Variants in RBFOX3 observed in about 807,000 individuals in gnomAD.
RBFOX3 encodes RNA binding fox-1 homolog 3, also known as RNA binding protein fox-1 homolog 3.
In RBFOX3, 17 loss-of-function variants were observed where a neutral mutation model predicts 48.7. The ratio of observed to expected loss-of-function variants is 0.35; its 90% CI spans 0.24 to 0.52. The LOEUF (loss-of-function observed/expected upper bound fraction) is 0.52. Among genes scored for constraint, RBFOX3 ranks in the 20% least tolerant of loss-of-function variants. The probability of loss-of-function intolerance (pLI) is 0.94; values close to 1 mark genes in which losing one functional copy is unlikely to be tolerated. For missense variants in RBFOX3, 382 were observed against 497.5 expected, an observed-to-expected ratio of 0.77 and a Z score of 2.21; for synonymous variants, 212 against 209.5, an observed-to-expected ratio of 1.01 and a Z score of -0.10.
At chr17:79,637,052 G>A in the RBFOX3 span, among the ~76,000 whole-genome samples, 11 of 152,134 alleles carry the variant, frequency 7.2e-5, no homozygotes, top group African/African-American at 2.7e-4. Flanking sequence ...ACTGTTATAA[G>A]AGAAAAAGGT....
At position 79,311,794 on chromosome 17, in the gene RBFOX3, T is replaced by C. The variant is rs143728516; in HGVS notation, c.-174-3970A>G. ...GGAGTGGGAAGCAGTGCCCCCATGA[T>C]GGCAGAAACGGGGAACAGGAAGGAG... On this transcript the variant is annotated intron_variant, in intron 2 of 14. Transcript: ENST00000693108. The surrounding 1 kb of genome is among the most constrained non-coding windows in gnomAD (Gnocchi z 4.2). Among the ~76,000 whole-genome samples, 2,187 of 152,202 alleles carry C rather than the reference T, an allele frequency of 0.014. 18 individuals are homozygous for C. The highest frequency in any genetic ancestry group is 0.022 in the Non-Finnish European group (1,477 of 68,008).
the RBFOX3 span, among the ~76,000 whole-genome samples, chr17:79,658,111 T>C: frequency 6.6e-6 from 1 of 152,184 alleles, no homozygotes; most frequent in Non-Finnish European, 1.5e-5. Flanking sequence ...CGTGGTTTTT[T>C]TAAGTCCAGG....
chr17:79,662,479 C>T, the RBFOX3 span, among the ~76,000 whole-genome samples: 3 of 152,084 alleles, frequency 2.0e-5, no homozygotes, highest in Non-Finnish European at 4.4e-5. Flanking sequence ...GGTTGCTGGA[C>T]CCATAGGTTG....
In RBFOX3 at chr17:79,233,506, A is replaced by G. The variant is rs1263761769; in HGVS notation, c.-34+2260T>C. Reference sequence around the variant, plus strand: ...GCATACTCTCTGTGATGTTTATCATACCCCCAATGTACTTCAATAAAACTA... The same window carrying G: ...GCATACTCTCTGTGATGTTTATCATGCCCCCAATGTACTTCAATAAAACTA... On this transcript the variant is annotated intron_variant, in intron 4 of 14. Coordinates refer to ENST00000693108, the MANE Select transcript of RBFOX3 (RefSeq NM_001350451.2). The G allele has an allele frequency of 2.6e-5, 4 of 152,138 alleles. No homozygotes were observed. In the East Asian group the frequency reaches 5.8e-4, roughly 22 times the overall value. The allele number at this position is 152,138 out of a possible 1,614,324, so 9.4% of individuals were successfully genotyped here. A position where few individuals can be genotyped will look rare whatever the true frequency, so the allele number is the denominator to read the frequency against.
chr17:79,159,845 G>A (rs887285512), intron 4 of RBFOX3, among the ~76,000 whole-genome samples: 2 of 152,176 alleles, frequency 1.3e-5, no homozygotes, highest in African/African-American at 4.8e-5. Context: ...AGGACAGGTC[G>A]CTACTCCCAC....
At chr17:79,662,464 C>A in the RBFOX3 span, among the ~76,000 whole-genome samples, 2 of 152,030 alleles carry the variant, frequency 1.3e-5, no homozygotes, top group Non-Finnish European at 2.9e-5. Context: ...GGATCCAGCA[C>A]CACAGGTTGC....
intron 4 of RBFOX3, among the ~76,000 whole-genome samples, chr17:79,151,039 G>A (rs887518801): frequency 5.3e-5 from 8 of 152,194 alleles, no homozygotes; most frequent in Admixed American, 2.6e-4. Flanking sequence ...TCCACGCTCC[G>A]CAAGTGCTCA....
At chr17:79,211,154 T>A (rs999882231) in intron 4 of RBFOX3, among the ~76,000 whole-genome samples, 9 of 152,220 alleles carry the variant, frequency 5.9e-5, no homozygotes, top group African/African-American at 2.2e-4. Context: ...GTCTCAGTCC[T>A]GGGCCACGGA....
At chr17:79,431,335 C>A (rs557352225) in intron 2 of RBFOX3, among the ~76,000 whole-genome samples, 2 of 152,088 alleles carry the variant, frequency 1.3e-5, no homozygotes, top group Non-Finnish European at 2.9e-5. Flanking sequence ...TTTTTTGAGA[C>A]GGAGTTTCAC....
intron 2 of RBFOX3, among the ~76,000 whole-genome samples, chr17:79,358,546 T>C (rs903631088): frequency 2.0e-5 from 3 of 152,174 alleles, no homozygotes; most frequent in African/African-American, 7.2e-5. Flanking sequence ...CTGCAACCTC[T>C]ACCTCCCGGG....
At position 79,471,878 on chromosome 17, in the gene RBFOX3, G is replaced by A. The variant is rs562139113; in HGVS notation, c.-175+10576C>T. Among the ~76,000 whole-genome samples the A allele has an allele frequency of 3.9e-5, 6 of 152,262 alleles. No homozygotes were observed. In the East Asian group the frequency reaches 5.8e-4, roughly 15 times the overall value. ...CGAGGGAGAACACTTCAAGAGAGGC[G>A]ACTAAATCTCCACCAAGCACATTAT... On this transcript the variant is annotated intron_variant, in intron 2 of 14. Transcript: ENST00000693108. The surrounding 1 kb of genome is among the most constrained non-coding windows in gnomAD (Gnocchi z 4.0).
chr17:79,089,760 TCTGCTC>T lies in RBFOX3; in HGVS notation c.*1117_*1122del, dbSNP rs1354175482. Reference sequence around the variant, plus strand: ...CCAGGGGTTCCTCCCTGCCACCTGCTCTGCTCCTGCTCCTCCCACCGGGTAAGCCTG... The same window carrying T: ...CCAGGGGTTCCTCCCTGCCACCTGCTCTGCTCCTCCCACCGGGTAAGCCTG... On this transcript the variant is annotated 3_prime_UTR_variant, in exon 15 of 15. Coordinates refer to ENST00000693108, the MANE Select transcript of RBFOX3 (RefSeq NM_001350451.2). The T allele has an allele frequency of 6.5e-6, 1 of 152,702 alleles. No individual in the cohort carries two copies. Among genetic ancestry groups the T allele is most frequent in the Non-Finnish European group, 1.5e-5 (1 of 68,128 alleles). 9.5% of individuals were successfully genotyped at this position (152,702 alleles called of 1,614,324 possible). A position where few individuals can be genotyped will look rare whatever the true frequency, so the allele number is the denominator to read the frequency against.
At chr17:79,178,721 G>T (rs538971873) in intron 4 of RBFOX3, among the ~76,000 whole-genome samples, 1 of 152,234 alleles carries the variant, frequency 6.6e-6, no homozygotes, top group East Asian at 1.9e-4. Flanking sequence ...TCACCTGTAC[G>T]GATGCGTGGC....
At chr17:79,384,339 C>T (rs2060302362) in intron 2 of RBFOX3, among the ~76,000 whole-genome samples, 1 of 152,138 alleles carries the variant, frequency 6.6e-6, no homozygotes, top group Non-Finnish European at 1.5e-5. Flanking sequence ...GAAGTCCACC[C>T]ACAGGACATC....
chr17:79,355,553 CT>C (rs2084817569), intron 2 of RBFOX3, among the ~76,000 whole-genome samples: 3 of 152,068 alleles, frequency 2.0e-5, no homozygotes, highest in Admixed American at 2.0e-4. Context: ...AAACTAAAAG[CT>C]GAATATACCC....
intron 1 of RBFOX3, among the ~76,000 whole-genome samples, chr17:79,485,998 GC>G (rs1198270285): frequency 6.6e-6 from 1 of 152,256 alleles, no homozygotes; most frequent in Non-Finnish European, 1.5e-5. Context: ...CGGGCCTATG[GC>G]CCCCTCCGCG....
Position 79,535,929 on chromosome 17 carries a change from C to A in RBFOX3, c.-319-53331G>T, listed in dbSNP as rs923663656. Among the ~76,000 whole-genome samples the A allele has an allele frequency of 1.3e-5, 2 of 152,154 alleles. No homozygotes were observed. The highest frequency in any genetic ancestry group is 2.9e-5 in the Non-Finnish European group (2 of 68,026). On this transcript the variant is annotated intron_variant, in intron 1 of 14. Transcript: ENST00000693108. This position sits in a 1 kb window ranked among gnomAD's most constrained non-coding sequence, Gnocchi z 4.5. ...CTGCACCCCTGCCCGTGACCAGTAG[C>A]GGCAGGGTCATCTCCACAGGCCCCT...
At chr17:79,173,239 C>T (rs116946466) in intron 4 of RBFOX3, among the ~76,000 whole-genome samples, 14,586 of 152,030 alleles carry the variant, frequency 0.096, 919 homozygotes, top group Non-Finnish European at 0.14. Context: ...TACATACATA[C>T]GTACATACTA....
chr17:79,438,656 G>A (rs1208400571), intron 2 of RBFOX3, among the ~76,000 whole-genome samples: 3 of 152,234 alleles, frequency 2.0e-5, no homozygotes, highest in Admixed American at 6.5e-5. Flanking sequence ...TCAGGGGCTG[G>A]CTGGGGGTCT....
Sources: gnomAD v4.1 joint callset for allele counts (sites outside exome capture counted in the v4.1 genomes callset) on GRCh38, gnomAD v4.1.1 for gene constraint, Gnocchi (gnomAD v3.1) non-coding constraint, MANE v1.5 for transcripts, NCBI Gene and HGNC (gene_info 2026-07-23, HGNC 2026-07-21) for gene names.